CCDC178: variants seen among roughly 807,000 people sequenced by gnomAD.
The protein encoded by CCDC178 is coiled-coil domain-containing protein 178.
CCDC178 carries 126 observed loss-of-function variants against 117.4 expected under a neutral mutation model. The observed-to-expected ratio is 1.07, with a 90% CI of 0.93 to 1.24. The LOEUF (loss-of-function observed/expected upper bound fraction) is 1.24. CCDC178 is among the 50% of genes most tolerant of loss of function. The pLI is 0.00. For missense variants in CCDC178, 1,030 were observed against 986.9 expected, an observed-to-expected ratio of 1.04 and a Z score of -0.59; for synonymous variants, 283 against 313.4, an observed-to-expected ratio of 0.90 and a Z score of 1.02.
chr18:32,978,863 C>G (rs774754057), intron 21 of CCDC178, among the ~76,000 whole-genome samples: 11 of 151,882 alleles, frequency 7.2e-5, no homozygotes, highest in Non-Finnish European at 1.6e-4. Context: ...ATGGTGAAAC[C>G]CTGTCTTTAC....
intron 22 of CCDC178, among the ~76,000 whole-genome samples, chr18:32,951,943 A>C (rs1009976383): frequency 2.6e-5 from 4 of 152,212 alleles, no homozygotes; most frequent in African/African-American, 9.6e-5. Context: ...GCAGTCATTA[A>C]ACCTTAAAGT....
chr18:33,186,538 G>A (rs1282268146), intron 20 of CCDC178, among the ~76,000 whole-genome samples: 1 of 152,054 alleles, frequency 6.6e-6, no homozygotes, highest in Non-Finnish European at 1.5e-5. Flanking sequence ...GAGAAACAAG[G>A]ACGTAGTTGA....
At chr18:32,985,972 C>T (rs887002917) in intron 21 of CCDC178, among the ~76,000 whole-genome samples, 1 of 151,998 alleles carries the variant, frequency 6.6e-6, no homozygotes, top group African/African-American at 2.4e-5. Flanking sequence ...ATATAAAATA[C>T]TCATTCTTAA....
At chr18:32,985,762 G>A (rs2055249354) in intron 21 of CCDC178, among the ~76,000 whole-genome samples, 1 of 151,992 alleles carries the variant, frequency 6.6e-6, no homozygotes, top group Non-Finnish European at 1.5e-5. Flanking sequence ...GGAAACTACA[G>A]ATGTTCTACC....
chr18:32,986,646 T>C (rs2055270012), intron 21 of CCDC178, among the ~76,000 whole-genome samples: 1 of 152,078 alleles, frequency 6.6e-6, no homozygotes, highest in African/African-American at 2.4e-5. Context: ...GGAAAATGAT[T>C]TCATGGAGAG....
chr18:33,054,142 C>T (rs1233807204), intron 21 of CCDC178, among the ~76,000 whole-genome samples: 1 of 152,142 alleles, frequency 6.6e-6, no homozygotes, highest in Non-Finnish European at 1.5e-5. Context: ...TAGTCTACTA[C>T]CTACTTTAGT....
chr18:33,055,995 G>T (rs1239619674), intron 21 of CCDC178, among the ~76,000 whole-genome samples: 1 of 151,940 alleles, frequency 6.6e-6, no homozygotes, highest in Non-Finnish European at 1.5e-5. Flanking sequence ...CAGAGACAGG[G>T]TTTCACCATG....
chr18:33,291,255 C>T (rs1413806122), intron 12 of CCDC178, among the ~76,000 whole-genome samples: 6 of 151,968 alleles, frequency 3.9e-5, no homozygotes, highest in African/African-American at 1.2e-4. Context: ...TAAACTGAAA[C>T]GTCTCTTCAT....
intron 19 of CCDC178, among the ~76,000 whole-genome samples, chr18:33,213,892 T>C (rs2059135093): frequency 6.6e-6 from 1 of 152,108 alleles, no homozygotes; most frequent in Non-Finnish European, 1.5e-5. Flanking sequence ...TTCAGACACT[T>C]GAAGATACAC....
chr18:32,955,988 ACAT>A (rs1233662830), intron 22 of CCDC178, among the ~76,000 whole-genome samples: 1 of 152,204 alleles, frequency 6.6e-6, no homozygotes, highest in Non-Finnish European at 1.5e-5. Flanking sequence ...CATTCCTGAT[ACAT>A]ATTTAAAAGG....
intron 20 of CCDC178, among the ~76,000 whole-genome samples, chr18:33,177,239 G>A (rs1167149532): frequency 6.6e-6 from 1 of 152,004 alleles, no homozygotes; most frequent in Non-Finnish European, 1.5e-5. Context: ...AGAGCATTAG[G>A]ACAAATACCT....
At chr18:32,949,457 C>G (rs546587964) in intron 22 of CCDC178, among the ~76,000 whole-genome samples, 1 of 152,116 alleles carries the variant, frequency 6.6e-6, no homozygotes, top group African/African-American at 2.4e-5. Flanking sequence ...TCATTTTGGA[C>G]AGTTTCTATT....
At chr18:33,068,317 T>C (rs561337920) in intron 21 of CCDC178, among the ~76,000 whole-genome samples, 1 of 152,330 alleles carries the variant, frequency 6.6e-6, no homozygotes, top group South Asian at 2.1e-4. Flanking sequence ...TAACTCATTC[T>C]ATGAGCCCAG....
intron 22 of CCDC178, chr18:32,938,300 C>A (rs2054165395): frequency 2.1e-6 from 1 of 486,798 alleles, no homozygotes; most frequent in Non-Finnish European, 3.6e-6. Flanking sequence ...AATTAAAGTC[C>A]AACTAACTTT....
At chr18:33,232,341 C>T (rs1300034630) in intron 15 of CCDC178, among the ~76,000 whole-genome samples, 1 of 152,150 alleles carries the variant, frequency 6.6e-6, no homozygotes, top group African/African-American at 2.4e-5. Context: ...GGGAGCAACA[C>T]TACATAAACA....
At chr18:33,015,842 T>G (rs1023515305) in intron 21 of CCDC178, among the ~76,000 whole-genome samples, 32 of 152,086 alleles carry the variant, frequency 2.1e-4, no homozygotes, top group Non-Finnish European at 5.9e-5. Flanking sequence ...AGTTAAAAAG[T>G]ATAATGACTA....
At chr18:33,105,209 T>C (rs1183894733) in intron 20 of CCDC178, among the ~76,000 whole-genome samples, 1 of 151,646 alleles carries the variant, frequency 6.6e-6, no homozygotes, top group Non-Finnish European at 1.5e-5. Context: ...AAATTAGCAT[T>C]CTTGGAAAAC....
At chr18:33,220,258 G>A (rs271431) in intron 18 of CCDC178, among the ~76,000 whole-genome samples, 24,450 of 151,904 alleles carry the variant, frequency 0.16, 2,748 homozygotes, top group African/African-American at 0.32. Context: ...ACAATGCACC[G>A]ATTACTGTAC....
intron 11 of CCDC178, among the ~76,000 whole-genome samples, chr18:33,319,251 C>T (rs1419610352): frequency 6.6e-6 from 1 of 151,854 alleles, no homozygotes; most frequent in Non-Finnish European, 1.5e-5. Flanking sequence ...TCCAGGTGTT[C>T]TCGGTGTTCA....
Sources: allele counts gnomAD v4.1 joint callset (sites outside exome capture counted in the v4.1 genomes callset), GRCh38; gene constraint gnomAD v4.1.1; transcripts MANE v1.5; gene names NCBI Gene and HGNC (gene_info 2026-07-23, HGNC 2026-07-21).